ANKFN1: variants seen among roughly 807,000 people sequenced by gnomAD.
The protein encoded by ANKFN1 is ankyrin repeat and fibronectin type III domain containing 1.
A neutral mutation model predicts 108.7 loss-of-function variants in ANKFN1; 74 were observed. That is an observed-to-expected ratio of 0.68 (90% CI 0.56 to 0.83). ANKFN1 has a LOEUF of 0.83. ANKFN1 is among the 40% of genes least tolerant of loss of function. The pLI is 0.00. For synonymous variants in ANKFN1, 547 were observed against 516.2 expected, an observed-to-expected ratio of 1.06 and a Z score of -0.81; for missense variants, 1,505 against 1,382.3, an observed-to-expected ratio of 1.09 and a Z score of -1.41.
At chr17:56,260,080 A>T (rs934880675) in intron 3 of ANKFN1, among the ~76,000 whole-genome samples, 5 of 152,332 alleles carry the variant, frequency 3.3e-5, no homozygotes, top group Admixed American at 2.6e-4. Context: ...GCAAAAATAG[A>T]TTTATCTAAA....
intron 4 of ANKFN1, among the ~76,000 whole-genome samples, chr17:56,111,874 C>A (rs1458397358): frequency 6.6e-6 from 1 of 152,180 alleles, no homozygotes; most frequent in African/African-American, 2.4e-5. Context: ...TCATAACGAG[C>A]AGAATGGCTG....
At chr17:56,208,096 A>T (rs977417869) in intron 1 of ANKFN1, among the ~76,000 whole-genome samples, 5 of 151,640 alleles carry the variant, frequency 3.3e-5, no homozygotes, top group African/African-American at 9.7e-5. Flanking sequence ...TGCAACCTCC[A>T]CCTCCCGGGC....
At chr17:56,455,931 G>T (rs2049677821) in intron 11 of ANKFN1, among the ~76,000 whole-genome samples, 1 of 152,110 alleles carries the variant, frequency 6.6e-6, no homozygotes, top group South Asian at 2.1e-4. Context: ...GAATAATGAG[G>T]ATGATAATCA....
At chr17:56,081,419 C>T (rs1905244813) in intron 4 of ANKFN1, among the ~76,000 whole-genome samples, 1 of 152,044 alleles carries the variant, frequency 6.6e-6, no homozygotes, top group Non-Finnish European at 1.5e-5. Flanking sequence ...GTGGTGTGAT[C>T]TCAGCTCACT....
At position 56,170,807 on chromosome 17, in the gene ANKFN1, T is replaced by TATATACACACACACACACAC. The variant is rs1361307404; in HGVS notation, c.-71+17278_-71+17279insTATACACACACACACACACA. Among the ~76,000 whole-genome samples, 14 of 61,460 alleles carry TATATACACACACACACACAC rather than the reference T, an allele frequency of 2.3e-4. No individual in the cohort carries two copies. In the South Asian group the frequency reaches 4.6e-3, roughly 20 times the overall value. The allele number at this position is 61,460 out of a possible 152,430, so 40.3% of individuals were successfully genotyped here. A position where few individuals can be genotyped will look rare whatever the true frequency, so the allele number is the denominator to read the frequency against. On this transcript the variant is annotated intron_variant, in intron 1 of 20. Transcript: ENST00000682825. ...ATATATATATATATATATATATATATACACACACACACACACACACACACA... is the reference window on the plus strand; with the variant it reads ...ATATATATATATATATATATATATATATATACACACACACACACACACACACACACACACACACACACACA...
chr17:56,432,928 T>C (rs1478547620), intron 8 of ANKFN1, among the ~76,000 whole-genome samples: 1 of 152,142 alleles, frequency 6.6e-6, no homozygotes, highest in Non-Finnish European at 1.5e-5. Flanking sequence ...TGAGCAATCA[T>C]CTAGCATTTA....
chr17:56,473,642 C>G (rs544477424), intron 15 of ANKFN1: 1 of 129,376 alleles, frequency 7.7e-6, no homozygotes, highest in South Asian at 2.5e-4. Flanking sequence ...AGTGAGACTC[C>G]GTCTCAAAAA....
chr17:56,220,801 A>AGGGAGTGG lies in ANKFN1; in HGVS notation c.13-7111_13-7110insTGGGGGAG, dbSNP rs1321146840. 1.7e-4 allele frequency among the ~76,000 whole-genome samples: 13 copies of AGGGAGTGG among 74,780 alleles called. 1 individual carries two copies. The highest frequency in any genetic ancestry group is 7.7e-4 in the East Asian group (1 of 1,304). 49.1% of individuals were successfully genotyped at this position (74,780 alleles called of 152,430 possible). The stretch of plus-strand genomic sequence containing the variant: ...AAGTCAGGAAGGAAGGGAGGAAGGG[A>AGGGAGTGG]GGGAGGGAGGAAGGAAGGAAGGAAG... On this transcript the variant is annotated intron_variant, in intron 2 of 20. Coordinates refer to ENST00000682825, the MANE Select transcript of ANKFN1 (RefSeq NM_001370326.1).
At chr17:56,294,973 G>C (rs964651704) in intron 3 of ANKFN1, among the ~76,000 whole-genome samples, 1 of 152,190 alleles carries the variant, frequency 6.6e-6, no homozygotes, top group African/African-American at 2.4e-5. Context: ...TTCTGTGACA[G>C]CTACAGAAAA....
chr17:56,445,068 T>A (rs1252588159), intron 10 of ANKFN1, among the ~76,000 whole-genome samples: 1 of 152,232 alleles, frequency 6.6e-6, no homozygotes, highest in African/African-American at 2.4e-5. Flanking sequence ...ATGTTTTTAT[T>A]TCTAGTCATT....
intron 4 of ANKFN1, among the ~76,000 whole-genome samples, chr17:56,115,922 C>G (rs1401215739): frequency 2.0e-5 from 3 of 152,144 alleles, no homozygotes; most frequent in Non-Finnish European, 4.4e-5. Flanking sequence ...CTTTCTAGCA[C>G]CTTCCCTACT....
chr17:56,423,361 G>A (rs2145068255), intron 8 of ANKFN1, among the ~76,000 whole-genome samples: 1 of 152,338 alleles, frequency 6.6e-6, no homozygotes, highest in Non-Finnish European at 1.5e-5. Context: ...AACAGTATGA[G>A]AAGCAGCTCG....
chr17:56,078,243 C>G (rs1182098592), intron 4 of ANKFN1, among the ~76,000 whole-genome samples: 1 of 152,160 alleles, frequency 6.6e-6, no homozygotes, highest in Non-Finnish European at 1.5e-5. Flanking sequence ...TGGGGCTCCC[C>G]TACTCCATCA....
intron 3 of ANKFN1, among the ~76,000 whole-genome samples, chr17:56,261,928 A>G (rs2043521087): frequency 6.6e-6 from 1 of 152,160 alleles, no homozygotes; most frequent in Non-Finnish European, 1.5e-5. Flanking sequence ...TGTTGGGAAT[A>G]TCTCATAGAG....
intron 1 of ANKFN1, among the ~76,000 whole-genome samples, chr17:56,156,906 A>G (rs1909171456): frequency 6.6e-6 from 1 of 152,262 alleles, no homozygotes; most frequent in Non-Finnish European, 1.5e-5. Flanking sequence ...AAGACAGTGT[A>G]GCCCCAAAAA....
At chr17:56,241,592 T>A (rs1917586216) in intron 3 of ANKFN1, among the ~76,000 whole-genome samples, 4 of 152,036 alleles carry the variant, frequency 2.6e-5, no homozygotes. Flanking sequence ...CCATGAGGAG[T>A]AAGTTGCAAG....
intron 4 of ANKFN1, among the ~76,000 whole-genome samples, chr17:56,135,660 C>T (rs1425920788): frequency 3.9e-5 from 6 of 152,236 alleles, no homozygotes; most frequent in Non-Finnish European, 5.9e-5. Context: ...TCTTCAGGCT[C>T]GGAAGTGATG....
intron 3 of ANKFN1, among the ~76,000 whole-genome samples, chr17:56,290,626 C>A (rs531623034): frequency 1.3e-5 from 2 of 152,158 alleles, no homozygotes; most frequent in South Asian, 4.2e-4. Context: ...ATTTTAAGAG[C>A]CCAGTGAAGA....
At chr17:56,485,156 C>T (rs1315783485) in intron 18 of ANKFN1, among the ~76,000 whole-genome samples, 1 of 152,058 alleles carries the variant, frequency 6.6e-6, no homozygotes, top group Non-Finnish European at 1.5e-5. Context: ...ACTGAAGAAT[C>T]AACAATGAAA....
Sources: allele counts gnomAD v4.1 joint callset (sites outside exome capture counted in the v4.1 genomes callset), GRCh38; gene constraint gnomAD v4.1.1; transcripts MANE v1.5; gene names NCBI Gene and HGNC (gene_info 2026-07-23, HGNC 2026-07-21).